Variants in PCDHGA5 observed in about 807,000 individuals in gnomAD.
PCDHGA5 encodes the protein protocadherin gamma-A5.
Under a neutral mutation model 56.7 loss-of-function variants are expected in PCDHGA5, and 36 were observed. The observed-to-expected ratio is 0.64, with a 90% CI of 0.49 to 0.84. The LOEUF (loss-of-function observed/expected upper bound fraction) is 0.84, where lower values mean the gene tolerates loss of function less well. Among genes scored for constraint, PCDHGA5 ranks in the 40% least tolerant of loss-of-function variants. The probability of loss-of-function intolerance (pLI) is 0.00; values close to 1 mark genes in which losing one functional copy is unlikely to be tolerated. For synonymous variants in PCDHGA5, 563 were observed against 520.2 expected (o/e 1.08, Z -1.12); for missense variants, 1,305 against 1,201.5 (o/e 1.09, Z -1.27).
At chr5:141,375,511 A>G (rs372798366) in intron 1 of PCDHGA5, 69 of 1,613,842 alleles carry the variant, frequency 4.3e-5, no homozygotes, top group Non-Finnish European at 5.4e-5. Flanking sequence ...CTGTGAATGC[A>G]CTGGACCCTG....
At chr5:141,437,650 A>G in intron 1 of PCDHGA5, among the ~76,000 whole-genome samples, 1 of 152,314 alleles carries the variant, frequency 6.6e-6, no homozygotes, top group Non-Finnish European at 1.5e-5. Context: ...AAAAGCAAAC[A>G]CATAGTTTCG....
In PCDHGA5 at chr5:141,476,073, A is replaced by C. The variant is rs765071344; in HGVS notation, c.2422-18734A>C. On this transcript the variant is annotated intron_variant, in intron 1 of 3. Coordinates refer to ENST00000518069, the MANE Select transcript of PCDHGA5 (RefSeq NM_018918.3). The surrounding 1 kb of genome is among the most constrained non-coding windows in gnomAD (Gnocchi z 7.6). ...GCTGAAAGTTTCTCAGCGAAATCTC[A>C]GGGACGATCTGGACCCCGCTGAGAG... 4 of 1,524,010 alleles carry C rather than the reference A, an allele frequency of 2.6e-6. No individual in the cohort carries two copies. Among genetic ancestry groups the C allele is most frequent in the Admixed American group, 4.2e-5 (2 of 47,746 alleles). The allele number at this position is 1,524,010 out of a possible 1,614,324, so 94.4% of individuals were successfully genotyped here. A position where few individuals can be genotyped will look rare whatever the true frequency, so the allele number is the denominator to read the frequency against.
At chr5:141,374,087 G>C (rs1358918796) in intron 1 of PCDHGA5, 3 of 1,529,296 alleles carry the variant, frequency 2.0e-6, no homozygotes, top group Non-Finnish European at 2.6e-6. Context: ...GCCAGTAATG[G>C]CGCCTCCGCA....
chr5:141,383,098 A>T, intron 1 of PCDHGA5: 2 of 1,613,954 alleles, frequency 1.2e-6, no homozygotes, highest in Non-Finnish European at 1.7e-6. Context: ...AGTCCGCATC[A>T]TCTCCAGAGG....
Position 141,456,470 on chromosome 5 carries a change from A to G in PCDHGA5, c.2422-38337A>G, listed in dbSNP as rs573210902. Among the ~76,000 whole-genome samples, 4 of 152,272 alleles carry G rather than the reference A, an allele frequency of 2.6e-5. No homozygotes were observed. In the East Asian group the frequency reaches 7.7e-4, roughly 29 times the overall value. On this transcript the variant is annotated intron_variant, in intron 1 of 3. Coordinates refer to ENST00000518069, the MANE Select transcript of PCDHGA5 (RefSeq NM_018918.3). ...GTCCAAATATCAATACAAGACATAT[A>G]AGCAAGAGAGTGCTTAATAAAGGGG...
At chr5:141,404,861 G>A in intron 1 of PCDHGA5, 1 of 1,613,848 alleles carries the variant, frequency 6.2e-7, no homozygotes, top group Non-Finnish European at 8.5e-7. Context: ...AGATAGAGAT[G>A]CGCTCAAACA....
chr5:141,441,041 C>T (rs2098220628), intron 1 of PCDHGA5: 1 of 152,152 alleles, frequency 6.6e-6, no homozygotes, highest in African/African-American at 2.4e-5. Context: ...ACTTTAAGTA[C>T]ATTGGACTTT....
At chr5:141,447,232 C>T (rs988057696) in intron 1 of PCDHGA5, among the ~76,000 whole-genome samples, 3 of 152,062 alleles carry the variant, frequency 2.0e-5, no homozygotes, top group East Asian at 1.9e-4. Flanking sequence ...CTCCGCCTCC[C>T]GGGTTCAAGT....
chr5:141,421,904 C>T (rs1561797509), intron 1 of PCDHGA5: 1 of 1,613,734 alleles, frequency 6.2e-7, no homozygotes, highest in Admixed American at 1.7e-5. Flanking sequence ...CGAAAGGGCG[C>T]AGTTCCCATT....
chr5:141,490,700 C>T lies in PCDHGA5; in HGVS notation c.2422-4107C>T. The T allele has an allele frequency of 6.2e-7, 1 of 1,614,152 alleles. No individual in the cohort carries two copies. Among genetic ancestry groups the T allele is most frequent in the Non-Finnish European group, 8.5e-7 (1 of 1,179,984 alleles). ...TCAGATCCAGACACTGGGGATAATG[C>T]CCGCCTCACCTACTCCATTGTAGGA... On this transcript the variant is annotated intron_variant, in intron 1 of 3. Transcript: ENST00000518069. This position sits in a 1 kb window ranked among gnomAD's most constrained non-coding sequence, Gnocchi z 5.4.
intron 2 of PCDHGA5, among the ~76,000 whole-genome samples, chr5:141,497,293 C>T (rs1270907262): frequency 6.6e-6 from 1 of 152,136 alleles, no homozygotes. Flanking sequence ...TACCTACCAC[C>T]ACCCCAGGCC....
chr5:141,466,278 T>G (rs1459665755), intron 1 of PCDHGA5, among the ~76,000 whole-genome samples: 1 of 152,128 alleles, frequency 6.6e-6, no homozygotes, highest in Non-Finnish European at 1.5e-5. Context: ...TCAAGCAATC[T>G]TCCCACCTCA....
rs564486909 is a variant in PCDHGA5, at chr5:141,428,072, G to A, written c.2421+61321G>A. The A allele has an allele frequency of 1.6e-5, 25 of 1,609,080 alleles. No individual in the cohort carries two copies. The South Asian group carries it at 1.9e-4, about 12-fold the overall frequency. On this transcript the variant is annotated intron_variant, in intron 1 of 3. Coordinates refer to ENST00000518069, the MANE Select transcript of PCDHGA5 (RefSeq NM_018918.3). The stretch of plus-strand genomic sequence containing the variant: ...AGGTGGTGGCGGTGGACGCAGATTC[G>A]GGACACAACGCTTGGCTGTCCTACC...
chr5:141,494,751 G>C (rs2099756509), intron 1 of PCDHGA5, 56 bp from the exon 2 acceptor site: 2 of 1,613,426 alleles, frequency 1.2e-6, no homozygotes, highest in African/African-American at 1.3e-5. Flanking sequence ...AGGGGCTCGG[G>C]TGACATTCTA....
At chr5:141,375,450 C>T in intron 1 of PCDHGA5, 1 of 1,614,014 alleles carries the variant, frequency 6.2e-7, no homozygotes, top group Non-Finnish European at 8.5e-7. Flanking sequence ...CCCCATTCAT[C>T]CTACTCAGTC....
chr5:141,492,257 A>G (rs955890030), intron 1 of PCDHGA5, among the ~76,000 whole-genome samples: 1 of 152,126 alleles, frequency 6.6e-6, no homozygotes, highest in Non-Finnish European at 1.5e-5. Flanking sequence ...GGCCCACACA[A>G]GTTGCACGGG....
chr5:141,405,391 T>A, intron 1 of PCDHGA5: 1 of 1,595,892 alleles, frequency 6.3e-7, no homozygotes, highest in Non-Finnish European at 8.5e-7. Flanking sequence ...GTTCATTTTT[T>A]TTCTTTCTTT....
At position 141,434,489 on chromosome 5, in the gene PCDHGA5, C is replaced by G. The variant is rs921000136; in HGVS notation, c.2422-60318C>G. On this transcript the variant is annotated intron_variant, in intron 1 of 3. Coordinates refer to ENST00000518069, the MANE Select transcript of PCDHGA5 (RefSeq NM_018918.3). ...GAATGAGGGCAAGGAACACCTGGCC[C>G]GCCCAGGGCAGAAAACTGCTTAAAG... Among the ~76,000 whole-genome samples, 8 of 152,158 alleles carry G rather than the reference C, an allele frequency of 5.3e-5. 1 individual carries two copies. The highest frequency in any genetic ancestry group is 2.6e-4 in the Admixed American group (4 of 15,284).
intron 1 of PCDHGA5, among the ~76,000 whole-genome samples, chr5:141,447,728 A>G (rs2098549955): frequency 6.6e-6 from 1 of 152,204 alleles, no homozygotes; most frequent in Non-Finnish European, 1.5e-5. Flanking sequence ...TCCAAAACTC[A>G]TTGAACTTAA....
Sources: allele counts gnomAD v4.1 joint callset (sites outside exome capture counted in the v4.1 genomes callset), GRCh38; gene constraint gnomAD v4.1.1; non-coding constraint Gnocchi (gnomAD v3.1); transcripts MANE v1.5; gene names NCBI Gene and HGNC (gene_info 2026-07-23, HGNC 2026-07-21).